Variants in NLRP10 observed in about 807,000 individuals in gnomAD.
NLRP10 encodes NLR family pyrin domain containing 10.
In NLRP10, 7 loss-of-function variants were observed where a neutral mutation model predicts 8.2. The ratio of observed to expected loss-of-function variants is 0.85; its 90% CI spans 0.48 to 1.60. The LOEUF is 1.60. Ranked by LOEUF, NLRP10 falls within the 40% of genes most tolerant of loss-of-function variation. The pLI, the probability that NLRP10 is intolerant of heterozygous loss-of-function variation, is 0.00. For missense variants in NLRP10, 814 were observed against 776.3 expected (o/e 1.05, Z -0.58); for synonymous variants, 338 against 314.0 (o/e 1.08, Z -0.81).
rs1165292233 is a variant in NLRP10, at chr11:7,960,688, A to G, written c.924T>C (p.Arg308=). The G allele has an allele frequency of 1.9e-6, 3 of 1,614,088 alleles. No individual in the cohort carries two copies. Among genetic ancestry groups the G allele is most frequent in the Non-Finnish European group, 2.5e-6 (3 of 1,180,050 alleles). ...RNLEPLLKQA[R]HVHILGFSEE... ...CAGAGAAGCCTAGGATATGGACATG[A>G]CGTGCTTGTTTCAGCAAGGGCTCCA... The change falls in exon 3 of 3, where the codon CGT becomes CGC. Residue 308 remains arginine, a synonymous_variant. Transcript: ENST00000691676.
At position 7,959,914 on chromosome 11, in the gene NLRP10, G is replaced by T. The variant is rs267603215; in HGVS notation, c.1698C>A (p.Ser566=). Residue 566 remains serine (S), a synonymous_variant, in exon 3 of 3, where the codon TCC becomes TCA. Transcript: ENST00000691676. The part of the protein sequence containing the change: ...KHNRTWDLEF[S]LYEAKIKNLV... ...GATTCTTTATTTTAGCTTCATACAG[G>T]GAGAATTCCAAATCCCAGGTCCTGT... 2 of 1,613,884 alleles carry T rather than the reference G, an allele frequency of 1.2e-6. No homozygotes were observed. The highest frequency in any genetic ancestry group is 1.1e-5 in the South Asian group (1 of 91,070).
Position 7,959,974 on chromosome 11 carries a change from C to T in NLRP10, c.1638G>A (p.Lys546=), listed in dbSNP as rs11608118. ...RISPCLAQDL[K]HFKEQMESMK... ...TAGATTCCATCTGTTCTTTAAAATG[C>T]TTCAGATCCTGCGCTAAACAGGGAG... The change falls in exon 3 of 3, where the codon AAG becomes AAA. Residue 546 remains lysine, a synonymous_variant. Coordinates refer to ENST00000691676, the MANE Select transcript of NLRP10 (RefSeq NM_001391958.1). 131,664 of 1,613,832 alleles carry T rather than the reference C, an allele frequency of 0.082. 5,818 individuals carry two copies. Among genetic ancestry groups the T allele is most frequent in the Non-Finnish European group, 0.091 (107,562 of 1,179,818 alleles).
intron 2 of NLRP10, among the ~76,000 whole-genome samples, chr11:7,962,253 T>TTTTTTTTTTTA (rs1941745038): frequency 2.2e-5 from 3 of 135,612 alleles, no homozygotes; most frequent in Non-Finnish European, 3.1e-5. Context: ...TTTTTTTTTT[T>TTTTTTTTTTTA]GAGATGGAGT....
At chr11:7,964,141 C>T (rs559277672) in intron 1 of NLRP10, among the ~76,000 whole-genome samples, 1 of 152,140 alleles carries the variant, frequency 6.6e-6, no homozygotes, top group Admixed American at 6.6e-5. Context: ...CGGCTAGACT[C>T]GATCTCCTGA....
rs75408345 is a variant in NLRP10, at chr11:7,963,706, C to T, written c.-45-166G>A. On this transcript the variant is annotated intron_variant, in intron 1 of 2. Transcript: ENST00000691676. ...CAGGGGAATTTTCCTAGTCATTCCC[C>T]TCTGCCTCTTAGTCAGGTGACACGT... 2,487 of 579,648 alleles carry T rather than the reference C, an allele frequency of 4.3e-3. 43 individuals carry two copies. Among genetic ancestry groups the T allele is most frequent in the African/African-American group, 0.041 (2,221 of 53,750 alleles). 35.9% of individuals were successfully genotyped at this position (579,648 alleles called of 1,614,324 possible).
rs1182450950 is a variant in NLRP10, at chr11:7,960,420, C to T, written c.1192G>A (p.Asp398Asn). 6.2e-7 allele frequency: 1 copy of T among 1,614,068 alleles called. No individual in the cohort carries two copies. The highest frequency in any genetic ancestry group is 1.6e-4 in the Middle Eastern group (1 of 6,062). The change falls in exon 3 of 3, where the codon GAT (aspartate) becomes AAT (asparagine). Residue 398 changes from aspartate to asparagine, a missense_variant. Asp to Asn is a conservative substitution (Grantham distance 23, BLOSUM62 1). Coordinates refer to ENST00000691676, the MANE Select transcript of NLRP10 (RefSeq NM_001391958.1). ...CGGGAAAGCTCGGAGCAGCCCCCAT[C>T]ATCATCGGGCGGCAGAAAGGTGGAG... is the stretch of plus-strand genomic sequence containing the variant. ...YVSTFLPPDD[D>N]GGCSELSRHR...
In NLRP10 at chr11:7,960,137, C is replaced by T. The variant is rs114121282; in HGVS notation, c.1475G>A (p.Arg492His). ...CTCCAGCAGCCTTTGCACTTCTCTG[C>T]GGGACTCCTTCCCCAGCCGGCTTTG... is the stretch of plus-strand genomic sequence containing the variant. ...EDQSRLGKES[R>H]REVQRLLEVK... is the part of the protein sequence containing the mutation. Residue 492 changes from arginine to histidine, a missense_variant, in exon 3 of 3, where the codon CGC becomes CAC. Arg to His is a conservative substitution (Grantham distance 29). Transcript: ENST00000691676. 1.5e-3 allele frequency: 2,424 copies of T among 1,614,102 alleles called. 28 individuals carry two copies. In the African/African-American group the frequency reaches 0.028, roughly 19 times the overall value.
chr11:7,960,939 A>G lies in NLRP10; in HGVS notation c.673T>C (p.Trp225Arg), dbSNP rs1435282622. 24 of 1,614,180 alleles carry G rather than the reference A, an allele frequency of 1.5e-5. No individual in the cohort carries two copies. The highest frequency in any genetic ancestry group is 2.0e-5 in the Non-Finnish European group (24 of 1,180,032). ...LESKLEQLLF[W>R]CCGDNQAPVT... ...GGGGCTTGATTGTCCCCGCAGCACC[A>G]GAAAAGGAGCTGCTCCAGTTTGCTC... The change falls in exon 3 of 3, where the codon TGG (tryptophan) becomes CGG (arginine). Residue 225 changes from tryptophan (W) to arginine (R), a missense_variant. Trp to Arg is a moderately radical substitution (Grantham distance 101, BLOSUM62 -3). Coordinates refer to ENST00000691676, the MANE Select transcript of NLRP10 (RefSeq NM_001391958.1).
rs1235657083 is a variant in NLRP10, at chr11:7,961,298, T to C, written c.314A>G (p.His105Arg). 6.3e-7 allele frequency: 1 copy of C among 1,586,938 alleles called. No individual in the cohort carries two copies. The highest frequency in any genetic ancestry group is 1.1e-5 in the South Asian group (1 of 87,938). Residue 105 changes from histidine to arginine, a missense_variant, in exon 3 of 3, where the codon CAT becomes CGT. By Grantham distance (29) the His-to-Arg change is conservative. Transcript: ENST00000691676. ...CTGCCATTCCTCTAGGCAGCGCACA[T>C]GCTCTCGGTATACTTCTCTGTAATC... ...LHDYREVYRE[H>R]VRCLEEWQEA...
At chr11:7,961,949 C>T (rs997509153) in intron 2 of NLRP10, among the ~76,000 whole-genome samples, 4 of 151,848 alleles carry the variant, frequency 2.6e-5, no homozygotes, top group Non-Finnish European at 2.9e-5. Flanking sequence ...CGGTAATGAA[C>T]GAGTTCTTGC....
chr11:7,963,268 CTT>C lies in NLRP10; in HGVS notation c.226_227del (p.Lys76GlyfsTer21), dbSNP rs1458990976. Reference sequence around the variant, plus strand: ...CCAACAGGTTCATGACCTTCAAGCCCTTGAGGACAACTTTCACAGCCTCCTTT... The same window carrying C: ...CCAACAGGTTCATGACCTTCAAGCCCGAGGACAACTTTCACAGCCTCCTTT... ...GEKEAVKVVL[K>X]GLKVMNLLEL... On this transcript the variant is annotated frameshift_variant, in exon 2 of 3. Coordinates refer to ENST00000691676, the MANE Select transcript of NLRP10 (RefSeq NM_001391958.1). LOFTEE classifies it high-confidence loss of function. The C allele has an allele frequency of 1.2e-6, 2 of 1,614,118 alleles. No homozygotes were observed. Among genetic ancestry groups the C allele is most frequent in the African/African-American group, 2.7e-5 (2 of 74,948 alleles).
chr11:7,962,228 G>GTTCTTTTTTT (rs1941742996), intron 2 of NLRP10, among the ~76,000 whole-genome samples: 1 of 36,860 alleles, frequency 2.7e-5, no homozygotes, highest in Non-Finnish European at 6.0e-5. Context: ...AGATAAGCCT[G>GTTCTTTTTTT]TTCTTTTTTT....
At position 7,959,722 on chromosome 11, in the gene NLRP10, A is replaced by G. The variant is rs762635517; in HGVS notation, c.1890T>C (p.Asn630=). ...AAGCTTCCTTTTGTGTTCCTGCTAT[A>G]TTATCTTTGCCCTCCTTCTGTCCAT... ...SVHGQKEGKD[N]IAGTQKEAST... The change falls in exon 3 of 3, where the codon AAT becomes AAC. Residue 630 remains asparagine (N), a synonymous_variant. Coordinates refer to ENST00000691676, the MANE Select transcript of NLRP10 (RefSeq NM_001391958.1). 3.2e-5 allele frequency: 51 copies of G among 1,610,472 alleles called. No homozygotes were observed. Among genetic ancestry groups the G allele is most frequent in the South Asian group, 4.4e-5 (4 of 90,152 alleles).
chr11:7,964,460 G>C (rs1440310404), intron 1 of NLRP10, among the ~76,000 whole-genome samples: 2 of 152,232 alleles, frequency 1.3e-5, no homozygotes, highest in African/African-American at 4.8e-5. Flanking sequence ...CGCCACCTGT[G>C]AGTGCTGACT....
rs1941799728 is a variant in NLRP10 at position 7,965,308 on chromosome 11, C to A, written c.-108G>T. 1 of 152,260 alleles carries A rather than the reference C, an allele frequency of 6.6e-6. No homozygotes were observed. The highest frequency in any genetic ancestry group is 2.1e-4 in the South Asian group (1 of 4,826). 9.4% of individuals were successfully genotyped at this position (152,260 alleles called of 1,614,324 possible). On this transcript the variant is annotated 5_prime_UTR_variant, in exon 1 of 3. Transcript: ENST00000691676. ...AGAACTCAGCTCCCTGATCCAGGAG[C>A]CCAGTAAGCAAAGCCTGGGGACTGA...
rs376883095 is a variant in NLRP10 at position 7,960,246 on chromosome 11, G to A, written c.1366C>T (p.Leu456Phe). The part of the protein sequence containing the change: ...FLSSNDYQLG[L>F]AIKKFYSFRH... ...AAGCTGTAGAACTTCTTGATGGCAA[G>A]TCCCAATTGGTAGTCGTTACTACTC... Residue 456 changes from leucine (L) to phenylalanine (F), a missense_variant, in exon 3 of 3, where the codon CTT becomes TTT. Transcript: ENST00000691676. 54 of 1,614,014 alleles carry A rather than the reference G, an allele frequency of 3.3e-5. No homozygotes were observed. The highest frequency in any genetic ancestry group is 4.4e-5 in the Non-Finnish European group (52 of 1,180,022).
rs1398775984 is a variant in NLRP10 at position 7,958,632 on chromosome 11, C to T, written c.*1012G>A. Among the ~76,000 whole-genome samples the T allele has an allele frequency of 1.3e-5, 2 of 152,198 alleles. No individual in the cohort carries two copies. The highest frequency in any genetic ancestry group is 2.9e-5 in the Non-Finnish European group (2 of 68,010). On this transcript the variant is annotated 3_prime_UTR_variant, in exon 3 of 3. Coordinates refer to ENST00000691676, the MANE Select transcript of NLRP10 (RefSeq NM_001391958.1). ...TGGTGCGATCTCAGCTCACTGCAAC[C>T]TCCGCCTCCCAGATTCAAGCAATTC...
At position 7,958,171 on chromosome 11, in the gene NLRP10, T is replaced by C. The variant is rs1606068; in HGVS notation, c.*1473A>G. Among the ~76,000 whole-genome samples, 46,860 of 152,172 alleles carry C rather than the reference T, an allele frequency of 0.31. 7,568 individuals are homozygous for C. Among genetic ancestry groups the C allele is most frequent in the Non-Finnish European group, 0.37 (24,978 of 67,978 alleles). On this transcript the variant is annotated 3_prime_UTR_variant, in exon 3 of 3. Transcript: ENST00000691676. ...TTTGGGCAATTACGAATAAAGCTGC[T>C]ATAAATATTCATGTGCAGGTTTTTA...
Position 7,961,024 on chromosome 11 carries a change from G to C in NLRP10, c.588C>G (p.Tyr196Ter). 2 of 1,614,158 alleles carry C rather than the reference G, an allele frequency of 1.2e-6. No homozygotes were observed. The highest frequency in any genetic ancestry group is 1.7e-6 in the Non-Finnish European group (2 of 1,180,028). ...AAAAGACATAATCAAACCGGCCTGG[G>C]TACAGAGTACCGGTGGCCCAGTCCA... is the stretch of plus-strand genomic sequence containing the variant. ...MVLDWATGTL[Y>*]PGRFDYVFYV... The change falls in exon 3 of 3, where the codon TAC (tyrosine) becomes TAG (stop). Residue 196 changes from tyrosine (Y) to a stop codon, truncating the protein, a stop_gained. Coordinates refer to ENST00000691676, the MANE Select transcript of NLRP10 (RefSeq NM_001391958.1). LOFTEE classifies it low-confidence loss of function (END_TRUNC).
Sources: allele counts gnomAD v4.1 joint callset (sites outside exome capture counted in the v4.1 genomes callset), GRCh38; gene constraint gnomAD v4.1.1; transcripts MANE v1.5; gene names NCBI Gene and HGNC (gene_info 2026-07-23, HGNC 2026-07-21).